The following RANBP2 variants were observed in gnomAD, a reference collection of about 807,000 sequenced individuals.
The protein encoded by RANBP2 is E3 SUMO-protein ligase RanBP2.
In RANBP2, 57 loss-of-function variants were observed where a neutral mutation model predicts 303.6. The ratio of observed to expected loss-of-function variants is 0.19; its 90% CI spans 0.15 to 0.23. The LOEUF (loss-of-function observed/expected upper bound fraction) is 0.23, where lower values mean the gene tolerates loss of function less well. RANBP2 is among the 10% of genes least tolerant of loss of function. RANBP2 has a pLI of 1.00. For synonymous variants in RANBP2, 1,167 were observed against 1,301.5 expected (o/e 0.90, Z 2.23); for missense variants, 3,138 against 3,780.8 (o/e 0.83, Z 4.46).
chr2:108,916,351 T>C, the RANBP2 span, among the ~76,000 whole-genome samples: 3 of 152,080 alleles, frequency 2.0e-5, no homozygotes, highest in Non-Finnish European at 4.4e-5. Flanking sequence ...GGGTTGGGGA[T>C]GGGGACACAA....
chr2:108,986,920 T>C, the RANBP2 span, among the ~76,000 whole-genome samples: 1 of 152,278 alleles, frequency 6.6e-6, no homozygotes, highest in South Asian at 2.1e-4. Context: ...GTGGGCTTAA[T>C]GTAAGTTAAT....
chr2:109,720,068 G>T, the RANBP2 span, among the ~76,000 whole-genome samples: 1 of 152,084 alleles, frequency 6.6e-6, no homozygotes, highest in African/African-American at 2.4e-5. Context: ...GCTTCGGCCA[G>T]CTAAAGTCAG....
In RANBP2 at chr2:108,719,613, C is replaced by T; in HGVS notation, c.7C>T (p.Arg3Cys). Residue 3 changes from arginine to cysteine, a missense_variant, in exon 1 of 29, where the codon CGC becomes TGC. This residue lies in a region of RANBP2 where 306 missense variants were observed against 381.9 expected (regional missense o/e 0.80). Transcript: ENST00000283195. MR[R>C]SKADVERYIA... ...GAGCCAGGTTGGCGGCGCGATGAGG[C>T]GCAGCAAGGCTGACGTGGAGCGGTA... 6.2e-7 allele frequency: 1 copy of T among 1,605,098 alleles called. No homozygotes were observed. Among genetic ancestry groups the T allele is most frequent in the South Asian group, 1.1e-5 (1 of 89,426 alleles).
downstream of RANBP2, among the ~76,000 whole-genome samples, chr2:108,786,303 C>G (rs1678698343): frequency 4.0e-5 from 6 of 149,222 alleles, no homozygotes; most frequent in Admixed American, 2.7e-4. Context: ...CTATGTTACC[C>G]AAGATAGATG....
the RANBP2 span, chr2:108,906,443 C>T: frequency 6.7e-7 from 1 of 1,497,092 alleles, no homozygotes; most frequent in African/African-American, 1.4e-5. Flanking sequence ...TCCATGTCAG[C>T]AGGGGCAGGC....
At chr2:109,004,267 G>C in the RANBP2 span, among the ~76,000 whole-genome samples, 2 of 152,192 alleles carry the variant, frequency 1.3e-5, no homozygotes, top group East Asian at 3.9e-4. Context: ...CTGTGGGTGT[G>C]AGGGAGTAAG....
At chr2:108,809,890 C>G in the RANBP2 span, among the ~76,000 whole-genome samples, 7 of 152,292 alleles carry the variant, frequency 4.6e-5, no homozygotes, top group East Asian at 1.2e-3. Flanking sequence ...ACTGCAACCT[C>G]CACCTCCTGG....
the RANBP2 span, chr2:108,794,562 C>T: frequency 6.2e-7 from 1 of 1,610,798 alleles, no homozygotes; most frequent in Non-Finnish European, 8.5e-7. Flanking sequence ...CTAATACGAC[C>T]TCATCGAGAC....
At chr2:109,197,716 C>T in the RANBP2 span, among the ~76,000 whole-genome samples, 3 of 152,206 alleles carry the variant, frequency 2.0e-5, no homozygotes, top group African/African-American at 7.2e-5. Flanking sequence ...CGGGTGTGTG[C>T]CTTGCTGGAG....
At chr2:108,842,955 AACC>A in the RANBP2 span, among the ~76,000 whole-genome samples, 1,199 of 152,318 alleles carry the variant, frequency 7.9e-3, 14 homozygotes, top group African/African-American at 0.027. Flanking sequence ...ATACGCTTAG[AACC>A]ACATTAGAGA....
chr2:109,495,559 G>GCCCACTGCAACCTCCGCCT, the RANBP2 span, among the ~76,000 whole-genome samples: 1 of 133,048 alleles, frequency 7.5e-6, no homozygotes, highest in Non-Finnish European at 1.5e-5. Context: ...TGCAATCTTG[G>GCCCACTGCAACCTCCGCCT]CCCACTGCAA....
At position 108,768,406 on chromosome 2, in the gene RANBP2, A is replaced by C. The variant is rs774331396; in HGVS notation, c.7849+18A>C. 8.1e-6 allele frequency: 13 copies of C among 1,609,606 alleles called. No homozygotes were observed. The African/African-American group carries it at 1.3e-4, about 17-fold the overall frequency. On this transcript the variant is annotated intron_variant, in intron 20 of 28. Transcript: ENST00000283195. ...AGAAAAGGGTAAGTACTTTGTTGTTAAAGTTAAGCACAATTTTTCTTTCTT... is the reference window on the plus strand; with the variant it reads ...AGAAAAGGGTAAGTACTTTGTTGTTCAAGTTAAGCACAATTTTTCTTTCTT...
chr2:109,660,997 T>G, the RANBP2 span, among the ~76,000 whole-genome samples: 1 of 152,162 alleles, frequency 6.6e-6, no homozygotes, highest in Admixed American at 6.5e-5. Context: ...ATCCTTAGGT[T>G]AGTTAGGGTT....
the RANBP2 span, among the ~76,000 whole-genome samples, chr2:109,276,100 C>T: frequency 2.0e-5 from 3 of 152,096 alleles, no homozygotes; most frequent in African/African-American, 4.8e-5. Context: ...AGGGGGATCT[C>T]GGACCCAGTG....
chr2:109,484,172 T>C, the RANBP2 span, among the ~76,000 whole-genome samples: 1 of 151,734 alleles, frequency 6.6e-6, no homozygotes, highest in Non-Finnish European at 1.5e-5. Flanking sequence ...GTTCAAGCGA[T>C]TCTCCTGCCT....
At chr2:108,815,351 T>G in the RANBP2 span, among the ~76,000 whole-genome samples, 1 of 152,076 alleles carries the variant, frequency 6.6e-6, no homozygotes, top group Non-Finnish European at 1.5e-5. Flanking sequence ...ATGAAAAGTT[T>G]TCTTTTAGTA....
the RANBP2 span, among the ~76,000 whole-genome samples, chr2:108,973,725 C>T: frequency 6.6e-6 from 1 of 152,214 alleles, no homozygotes; most frequent in Non-Finnish European, 1.5e-5. Context: ...GACTACAAAA[C>T]CTGGAAATTT....
the RANBP2 span, among the ~76,000 whole-genome samples, chr2:109,469,361 C>T: frequency 2.0e-5 from 3 of 152,028 alleles, no homozygotes; most frequent in Non-Finnish European, 2.9e-5. Context: ...CCTTTACTAG[C>T]CCCCGTGCTT....
At chr2:108,841,712 T>G in the RANBP2 span, among the ~76,000 whole-genome samples, 8 of 152,188 alleles carry the variant, frequency 5.3e-5, no homozygotes, top group Non-Finnish European at 1.0e-4. Flanking sequence ...TTAATTGGTG[T>G]TTTAGGCCAT....
Sources: allele counts gnomAD v4.1 joint callset (sites outside exome capture counted in the v4.1 genomes callset), GRCh38; gene constraint gnomAD v4.1.1; regional missense constraint gnomAD v4.1.1; transcripts MANE v1.5; gene names NCBI Gene and HGNC (gene_info 2026-07-23, HGNC 2026-07-21).